The following SLC38A10 variants were observed in gnomAD, a reference collection of about 807,000 sequenced individuals.
SLC38A10 encodes the protein Sodium-coupled neutral amino acid transporter 10.
SLC38A10 carries 53 observed loss-of-function variants against 81.0 expected under a neutral mutation model. The ratio of observed to expected loss-of-function variants is 0.65; its 90% confidence interval spans 0.53 to 0.82. The LOEUF is 0.82. SLC38A10 is among the 40% of genes least tolerant of loss of function. SLC38A10 has a pLI of 0.00. For synonymous variants in SLC38A10, 665 were observed against 655.3 expected (o/e 1.01, Z -0.23); for missense variants, 1,471 against 1,545.0 (o/e 0.95, Z 0.80).
intron 1 of SLC38A10, 124 bp downstream of exon 1, chr17:81,294,699 C>CT: frequency 1.2e-6 from 1 of 810,698 alleles, no homozygotes; most frequent in Non-Finnish European, 1.8e-6. Flanking sequence ...TCGCCCCGCC[C>CT]GCGGCCGCCT....
At position 81,246,849 on chromosome 17, in the gene SLC38A10, T is replaced by C. The variant is rs771446606; in HGVS notation, c.2242+36A>G. ...TGAGGACAGCAGGAGACCCCCTGCC[T>C]GGCCCCACCCCACTCCATCCGCCAG... On this transcript the variant is annotated intron_variant, in intron 15 of 15. Coordinates refer to ENST00000374759, the MANE Select transcript of SLC38A10 (RefSeq NM_001037984.3). 7 of 1,554,104 alleles carry C rather than the reference T, an allele frequency of 4.5e-6. No homozygotes were observed. In the East Asian group the frequency reaches 1.4e-4, roughly 30 times the overall value.
chr17:81,282,108 G>A (rs918170236), intron 5 of SLC38A10, 81 bp downstream of exon 5: 3 of 1,584,580 alleles, frequency 1.9e-6, no homozygotes, highest in Admixed American at 3.4e-5. Flanking sequence ...ACCAGACCTG[G>A]GCACGAGCCT....
chr17:81,292,834 G>T (rs372492633), intron 1 of SLC38A10, among the ~76,000 whole-genome samples: 1 of 152,084 alleles, frequency 6.6e-6, no homozygotes, highest in African/African-American at 2.4e-5. Context: ...GCACTTCACC[G>T]ACAGGCATCA....
intron 10 of SLC38A10, among the ~76,000 whole-genome samples, chr17:81,267,309 T>C (rs530014368): frequency 6.6e-6 from 1 of 152,264 alleles, no homozygotes; most frequent in East Asian, 1.9e-4. Context: ...ATCAAAGATT[T>C]AAATTAAAAA....
intron 14 of SLC38A10, 186 bp from the exon 15 acceptor site, chr17:81,247,247 G>A: frequency 1.8e-6 from 1 of 554,270 alleles, no homozygotes; most frequent in Non-Finnish European, 2.9e-6. Context: ...GATGCACGCA[G>A]GCCTGAGGGC....
chr17:81,291,952 C>T (rs776351800), intron 1 of SLC38A10, among the ~76,000 whole-genome samples: 8 of 152,170 alleles, frequency 5.3e-5, no homozygotes, highest in Non-Finnish European at 1.0e-4. Flanking sequence ...GCCACGGCCA[C>T]AGAGTACGCT....
At chr17:81,274,056 T>C (rs1371733526) in intron 8 of SLC38A10, among the ~76,000 whole-genome samples, 1 of 152,238 alleles carries the variant, frequency 6.6e-6, no homozygotes, top group Non-Finnish European at 1.5e-5. Context: ...TTGTCAATTT[T>C]TTAACAAGAT....
chr17:81,253,353 T>C lies in SLC38A10; in HGVS notation c.1289-113A>G, dbSNP rs1256678044. ...GCCAAATGGCAGAGTCAAAGCAGTTTCTTTTTCCTGTTCGATCATTAGCAG... is the reference window on the plus strand; with the variant it reads ...GCCAAATGGCAGAGTCAAAGCAGTTCCTTTTTCCTGTTCGATCATTAGCAG... On this transcript the variant is annotated intron_variant, in intron 11 of 15. Coordinates refer to ENST00000374759, the MANE Select transcript of SLC38A10 (RefSeq NM_001037984.3). The surrounding 1 kb of genome is among the most constrained non-coding windows in gnomAD (Gnocchi z 4.1). The C allele has an allele frequency of 1.5e-6, 2 of 1,322,138 alleles. No homozygotes were observed. The highest frequency in any genetic ancestry group is 2.0e-6 in the Non-Finnish European group (2 of 980,308). 81.9% of individuals were successfully genotyped at this position (1,322,138 alleles called of 1,614,324 possible). A position where few individuals can be genotyped will look rare whatever the true frequency, so the allele number is the denominator to read the frequency against.
intron 3 of SLC38A10, among the ~76,000 whole-genome samples, chr17:81,284,183 C>T (rs1258147502): frequency 6.6e-6 from 1 of 151,972 alleles, no homozygotes; most frequent in East Asian, 2.0e-4. Flanking sequence ...CACGGCAAAA[C>T]CCTGTCTCTA....
rs530812757 is a variant in SLC38A10 at position 81,286,330 on chromosome 17, G to A, written c.218-1435C>T. 6.6e-6 allele frequency among the ~76,000 whole-genome samples: 1 copy of A among 152,352 alleles called. No homozygotes were observed. The highest frequency in any genetic ancestry group is 1.9e-4 in the East Asian group (1 of 5,186). On this transcript the variant is annotated intron_variant, in intron 2 of 15. Transcript: ENST00000374759. This position sits in a 1 kb window ranked among gnomAD's most constrained non-coding sequence, Gnocchi z 6.0. Reference sequence around the variant, plus strand: ...TGCCACTGGCAAGGGAAAATGGGAGGCTGTCTAGGAAATCAGGGCAGCACT... The same window carrying A: ...TGCCACTGGCAAGGGAAAATGGGAGACTGTCTAGGAAATCAGGGCAGCACT...
At chr17:81,266,362 G>C (rs1427381707) in intron 10 of SLC38A10, among the ~76,000 whole-genome samples, 1 of 152,232 alleles carries the variant, frequency 6.6e-6, no homozygotes, top group Non-Finnish European at 1.5e-5. Context: ...GCTCACGCCT[G>C]TAATCCCAGC....
chr17:81,261,414 C>G (rs56289540), intron 10 of SLC38A10, among the ~76,000 whole-genome samples: 7,298 of 152,362 alleles, frequency 0.048, 309 homozygotes, highest in African/African-American at 0.11. Context: ...ACTGGCAAGG[C>G]GGACTTCTGT....
intron 13 of SLC38A10, 153 bp downstream of exon 13, chr17:81,252,042 C>A (rs2062920178): frequency 3.5e-6 from 4 of 1,133,100 alleles, no homozygotes; most frequent in Non-Finnish European, 4.9e-6. Context: ...CCTGTCCCCA[C>A]CAGCTGCCGG....
rs2063337132 is a variant in SLC38A10, at chr17:81,294,944, G to A, written c.-23C>T. ...CATAGTGAGAGGTCTAGGGGCCCGGGGCGAGAGGCCTCGGGGGTCGCCGGG... is the reference window on the plus strand; with the variant it reads ...CATAGTGAGAGGTCTAGGGGCCCGGAGCGAGAGGCCTCGGGGGTCGCCGGG... On this transcript the variant is annotated 5_prime_UTR_variant, in exon 1 of 16. Coordinates refer to ENST00000374759, the MANE Select transcript of SLC38A10 (RefSeq NM_001037984.3). The A allele has an allele frequency of 6.4e-7, 1 of 1,565,048 alleles. No individual in the cohort carries two copies. Among genetic ancestry groups the A allele is most frequent in the African/African-American group, 1.4e-5 (1 of 70,962 alleles).
At chr17:81,259,602 G>A (rs925591768) in intron 11 of SLC38A10, among the ~76,000 whole-genome samples, 47 of 152,290 alleles carry the variant, frequency 3.1e-4, no homozygotes, top group Admixed American at 3.0e-3. Context: ...ACGGAGCTGC[G>A]GCTGCACCTG....
chr17:81,251,364 C>G (rs757380486), intron 14 of SLC38A10, 129 bp downstream of exon 14: 4 of 1,612,812 alleles, frequency 2.5e-6, no homozygotes, highest in Admixed American at 1.7e-5. Flanking sequence ...GTCTGCTCAG[C>G]AGGCGGCTGG....
Position 81,282,299 on chromosome 17 carries a change from C to T in SLC38A10, c.391G>A (p.Ala131Thr), listed in dbSNP as rs765352390. The part of the protein sequence containing the change: ...GGTFRMFLLF[A>T]VSLCIVLPLS... ...GGGAGCACGATGCACAGCGACACGG[C>T]GAACAGCAGGAACATGCGGAAGGTG... The change falls in exon 5 of 16, where the codon GCC (alanine) becomes ACC (threonine). Residue 131 changes from alanine (A) to threonine (T), a missense_variant. Ala to Thr is a moderately conservative substitution (Grantham distance 58, BLOSUM62 0). Around this residue, in one of 2 missense-constraint regions of SLC38A10, gnomAD observed 720 missense variants for 827.7 expected, o/e 0.87. Coordinates refer to ENST00000374759, the MANE Select transcript of SLC38A10 (RefSeq NM_001037984.3). 1.6e-5 allele frequency: 26 copies of T among 1,613,186 alleles called. No individual in the cohort carries two copies. The highest frequency in any genetic ancestry group is 1.6e-5 in the Non-Finnish European group (19 of 1,179,946).
At chr17:81,282,490 C>T (rs1280298342) in intron 4 of SLC38A10, among the ~76,000 whole-genome samples, 158 bp from the exon 5 acceptor site, 1 of 152,214 alleles carries the variant, frequency 6.6e-6, no homozygotes, top group Admixed American at 6.5e-5. Flanking sequence ...CGCCCGAAGC[C>T]GCTCTCACAG....
chr17:81,262,867 A>C (rs2063035590), intron 10 of SLC38A10: 1 of 152,256 alleles, frequency 6.6e-6, no homozygotes, highest in Non-Finnish European at 1.5e-5. Context: ...TGATGGGCCA[A>C]AGAAACATCT....
Sources: allele counts gnomAD v4.1 joint callset (sites outside exome capture counted in the v4.1 genomes callset), GRCh38; gene constraint gnomAD v4.1.1; regional missense constraint gnomAD v4.1.1; non-coding constraint Gnocchi (gnomAD v3.1); transcripts MANE v1.5; gene names NCBI Gene and HGNC (gene_info 2026-07-23, HGNC 2026-07-21).